The following MAF variants were observed in gnomAD, a reference collection of about 807,000 sequenced individuals.
The protein encoded by MAF is transcription factor Maf.
A neutral mutation model predicts 22.0 loss-of-function variants in MAF; 10 were observed. The ratio of observed to expected loss-of-function variants is 0.45; its 90% confidence interval spans 0.28 to 0.77. The LOEUF is 0.77. Among genes scored for constraint, MAF ranks in the 30% least tolerant of loss-of-function variants. The probability of loss-of-function intolerance (pLI) is 0.12; values close to 1 mark genes in which losing one functional copy is unlikely to be tolerated. For synonymous variants in MAF, 337 were observed against 255.8 expected (o/e 1.32, Z -3.03); for missense variants, 544 against 548.4 (o/e 0.99, Z 0.08).
At chr16:79,379,727 G>A in the MAF span, among the ~76,000 whole-genome samples, 1 of 152,118 alleles carries the variant, frequency 6.6e-6, no homozygotes, top group Non-Finnish European at 1.5e-5. Context: ...GGAGAGGGAG[G>A]GTGATGCAAG....
At chr16:79,339,218 C>T in the MAF span, among the ~76,000 whole-genome samples, 8 of 150,272 alleles carry the variant, frequency 5.3e-5, no homozygotes, top group South Asian at 2.1e-4. Context: ...TACAGGCACC[C>T]GCCACCACGC....
At chr16:79,226,581 A>G in the MAF span, among the ~76,000 whole-genome samples, 1 of 152,128 alleles carries the variant, frequency 6.6e-6, no homozygotes, top group Non-Finnish European at 1.5e-5. Flanking sequence ...TGTACGTTAT[A>G]AAAGTTGGTA....
chr16:79,331,974 C>T, the MAF span, among the ~76,000 whole-genome samples: 1 of 152,208 alleles, frequency 6.6e-6, no homozygotes, highest in East Asian at 1.9e-4. Context: ...TGCTGTTTGA[C>T]TTTCCATAGA....
chr16:79,398,273 G>A, the MAF span, among the ~76,000 whole-genome samples: 483 of 152,216 alleles, frequency 3.2e-3, 4 homozygotes, highest in African/African-American at 0.011. Context: ...AGATAATCCA[G>A]GATAATCTCC....
At chr16:79,455,837 G>A in the MAF span, among the ~76,000 whole-genome samples, 1 of 152,100 alleles carries the variant, frequency 6.6e-6, no homozygotes, top group South Asian at 2.1e-4. Flanking sequence ...GGCCAACACG[G>A]TGAAACTCTG....
chr16:79,544,553 T>C, the MAF span, among the ~76,000 whole-genome samples: 1 of 152,120 alleles, frequency 6.6e-6, no homozygotes, highest in African/African-American at 2.4e-5. Context: ...GTTGGGTGGA[T>C]CACAAGGTCA....
the MAF span, among the ~76,000 whole-genome samples, chr16:79,489,379 T>C: frequency 6.6e-6 from 1 of 152,224 alleles, no homozygotes; most frequent in Non-Finnish European, 1.5e-5. Context: ...CCATCCTTTG[T>C]GTACTGAATA....
the MAF span, among the ~76,000 whole-genome samples, chr16:79,310,472 G>A: frequency 2.0e-5 from 3 of 152,148 alleles, no homozygotes; most frequent in Non-Finnish European, 2.9e-5. Context: ...TGAAACGCCT[G>A]CTCCCCAGGC....
At chr16:79,400,518 T>C in the MAF span, among the ~76,000 whole-genome samples, 8 of 152,236 alleles carry the variant, frequency 5.3e-5, no homozygotes, top group Non-Finnish European at 8.8e-5. Flanking sequence ...TTTATACTTC[T>C]GGGGAGCTCT....
the MAF span, among the ~76,000 whole-genome samples, chr16:79,484,947 G>C: frequency 0.039 from 5,906 of 152,252 alleles, 434 homozygotes; most frequent in African/African-American, 0.14. Flanking sequence ...TTGCACCTTG[G>C]ACCTGCCATT....
the MAF span, among the ~76,000 whole-genome samples, chr16:79,571,655 G>A: frequency 2.0e-5 from 3 of 151,286 alleles, no homozygotes; most frequent in Non-Finnish European, 4.4e-5. Context: ...AAACGTAGTG[G>A]GTTCAAATCT....
chr16:79,387,891 G>A, the MAF span, among the ~76,000 whole-genome samples: 1 of 152,096 alleles, frequency 6.6e-6, no homozygotes, highest in Non-Finnish European at 1.5e-5. Flanking sequence ...ACTCATTGAG[G>A]GCAGAAGTTT....
At chr16:79,327,195 C>T in the MAF span, among the ~76,000 whole-genome samples, 1 of 152,078 alleles carries the variant, frequency 6.6e-6, no homozygotes, top group African/African-American at 2.4e-5. Flanking sequence ...TGGCTTGGGG[C>T]AGGGGCTTTA....
chr16:79,367,016 G>C, the MAF span, among the ~76,000 whole-genome samples: 1 of 152,094 alleles, frequency 6.6e-6, no homozygotes, highest in African/African-American at 2.4e-5. Context: ...AAAATGCTTT[G>C]AAAAACTCAA....
the MAF span, among the ~76,000 whole-genome samples, chr16:79,423,131 C>T: frequency 1.7e-4 from 26 of 152,118 alleles, no homozygotes; most frequent in African/African-American, 5.8e-4. Context: ...GTAACGTGCA[C>T]GTGAGCAACA....
At chr16:79,593,797 G>C (rs1390406469), downstream of MAF, 1 of 174,378 alleles carries the variant, frequency 5.7e-6, no homozygotes, top group Admixed American at 6.4e-5. Context: ...TTTTGAGTAG[G>C]AGCAAAAAAG....
chr16:79,474,317 A>T, the MAF span, among the ~76,000 whole-genome samples: 1 of 152,220 alleles, frequency 6.6e-6, no homozygotes, highest in East Asian at 1.9e-4. Context: ...TACCATTTAT[A>T]AAAATGCCTA....
chr16:79,357,535 C>G, the MAF span, among the ~76,000 whole-genome samples: 155 of 152,262 alleles, frequency 1.0e-3, no homozygotes, highest in African/African-American at 3.7e-3. Flanking sequence ...ATATGGGAAC[C>G]CTGCTGGGTC....
chr16:79,545,707 T>C, the MAF span, among the ~76,000 whole-genome samples: 1 of 152,064 alleles, frequency 6.6e-6, no homozygotes, highest in East Asian at 1.9e-4. Flanking sequence ...TGGATGCCCA[T>C]AGAAGCAGAG....
Sources: allele counts gnomAD v4.1 joint callset (sites outside exome capture counted in the v4.1 genomes callset), GRCh38; gene constraint gnomAD v4.1.1; transcripts MANE v1.5; gene names NCBI Gene and HGNC (gene_info 2026-07-23, HGNC 2026-07-21).